The following QSOX2 variants were observed in gnomAD, a reference collection of about 807,000 sequenced individuals.
QSOX2 encodes quiescin sulfhydryl oxidase 2, also known as sulfhydryl oxidase 2.
A neutral mutation model predicts 61.7 loss-of-function variants in QSOX2; 46 were observed. That is an observed-to-expected ratio of 0.75 (90% confidence interval 0.59 to 0.95). The LOEUF (loss-of-function observed/expected upper bound fraction) is 0.95, where lower values mean the gene tolerates loss of function less well. Among genes scored for constraint, QSOX2 ranks in the 40% least tolerant of loss-of-function variants. QSOX2 has a pLI of 0.00. For synonymous variants in QSOX2, 383 were observed against 388.4 expected, an observed-to-expected ratio of 0.99 and a Z score of 0.16; for missense variants, 879 against 918.9, an observed-to-expected ratio of 0.96 and a Z score of 0.56.
At chr9:136,227,239 G>A (rs777239847) in intron 1 of QSOX2, among the ~76,000 whole-genome samples, 1 of 152,220 alleles carries the variant, frequency 6.6e-6, no homozygotes, top group Non-Finnish European at 1.5e-5. Context: ...CAGCAAGCAA[G>A]TACGTGCAGA....
chr9:136,217,118 C>T (rs984961998), intron 8 of QSOX2, among the ~76,000 whole-genome samples: 3 of 152,248 alleles, frequency 2.0e-5, no homozygotes, highest in Admixed American at 1.3e-4. Flanking sequence ...CCTGCCCGCC[C>T]GCTGGGCTTC....
At position 136,222,062 on chromosome 9, in the gene QSOX2, G is replaced by T; in HGVS notation, c.676-121C>A. ...AAAAGGGCATGAAGTCTGTCCCCCT[G>T]CAGGCAAGACCCTCACTCAAATCTT... On this transcript the variant is annotated intron_variant, in intron 5 of 11. Coordinates refer to ENST00000358701, the MANE Select transcript of QSOX2 (RefSeq NM_181701.4). The surrounding 1 kb of genome is among the most constrained non-coding windows in gnomAD (Gnocchi z 6.9). The T allele has an allele frequency of 2.0e-6, 2 of 1,004,974 alleles. No homozygotes were observed. Among genetic ancestry groups the T allele is most frequent in the Non-Finnish European group, 2.8e-6 (2 of 723,628 alleles). 62.3% of individuals were successfully genotyped at this position (1,004,974 alleles called of 1,614,324 possible). A position where few individuals can be genotyped will look rare whatever the true frequency, so the allele number is the denominator to read the frequency against.
chr9:136,221,680 G>T lies in QSOX2; in HGVS notation c.821+116C>A. ...AGGGCCCAAATCTGCCCAGGGAAGC[G>T]AGGCGGAGGGGCCAGGGCTCCCCCG... On this transcript the variant is annotated intron_variant, in intron 6 of 11. Transcript: ENST00000358701. The surrounding 1 kb of genome is among the most constrained non-coding windows in gnomAD (Gnocchi z 4.5). The T allele has an allele frequency of 8.8e-7, 1 of 1,138,380 alleles. No homozygotes were observed. The highest frequency in any genetic ancestry group is 1.2e-6 in the Non-Finnish European group (1 of 828,148). 70.5% of individuals were successfully genotyped at this position (1,138,380 alleles called of 1,614,324 possible).
chr9:136,242,676 C>A (rs537979191), intron 1 of QSOX2, among the ~76,000 whole-genome samples: 1 of 152,242 alleles, frequency 6.6e-6, no homozygotes, highest in Non-Finnish European at 1.5e-5. Context: ...GGGAGCCAGG[C>A]GCCAAGCAGA....
Position 136,224,912 on chromosome 9 carries a change from A to G in QSOX2, c.430-3T>C. 6.2e-7 allele frequency: 1 copy of G among 1,603,408 alleles called. No individual in the cohort carries two copies. The highest frequency in any genetic ancestry group is 1.3e-5 in the African/African-American group (1 of 74,570). On this transcript the variant is annotated splice_polypyrimidine_tract_variant and splice_region_variant and intron_variant, in intron 2 of 11. Transcript: ENST00000358701. ...TCCTTTGTAAATGCTTTAAAATACT[A>G]AGAGGAAAAACACAGAACAAGTAAG...
chr9:136,215,009 G>T, intron 10 of QSOX2, 145 bp downstream of exon 10: 1 of 949,438 alleles, frequency 1.1e-6, no homozygotes. Flanking sequence ...GACCGTGTGA[G>T]AGGAGTCTGA....
At chr9:136,211,600 AC>A in intron 10 of QSOX2, 148 bp from the exon 11 acceptor site, 1 of 712,450 alleles carries the variant, frequency 1.4e-6, no homozygotes, top group Non-Finnish European at 2.3e-6. Flanking sequence ...GTGGGCACAG[AC>A]CAGAAGCCAG....
chr9:136,234,618 C>G (rs1830362556), intron 1 of QSOX2, among the ~76,000 whole-genome samples: 1 of 152,228 alleles, frequency 6.6e-6, no homozygotes, highest in South Asian at 2.1e-4. Context: ...ACCCAGGAAC[C>G]TTCCTGGGCG....
At chr9:136,213,467 AT>A (rs1831872623) in intron 10 of QSOX2, among the ~76,000 whole-genome samples, 1 of 151,658 alleles carries the variant, frequency 6.6e-6, no homozygotes, top group Non-Finnish European at 1.5e-5. Context: ...TGTGATTTCA[AT>A]TTCTGTTTGG....
Position 136,223,219 on chromosome 9 carries a change from G to A in QSOX2, c.675+544C>T, listed in dbSNP as rs1357231393. ...GCATGTGCAGTGAGGCCTTTCTCTC[G>A]TCTCCGGGAAGACTGTCAGCAATAA... On this transcript the variant is annotated intron_variant, in intron 5 of 11. Transcript: ENST00000358701. This position sits in a 1 kb window ranked among gnomAD's most constrained non-coding sequence, Gnocchi z 4.4. 1.3e-5 allele frequency among the ~76,000 whole-genome samples: 2 copies of A among 152,172 alleles called. No homozygotes were observed. The highest frequency in any genetic ancestry group is 1.9e-4 in the East Asian group (1 of 5,190).
At chr9:136,245,140 T>C (rs927533400) in intron 1 of QSOX2, among the ~76,000 whole-genome samples, 7 of 152,022 alleles carry the variant, frequency 4.6e-5, no homozygotes, top group African/African-American at 1.7e-4. Flanking sequence ...CATAGGTATT[T>C]TGAGAGCTGG....
chr9:136,224,798 T>C, intron 3 of QSOX2, 63 bp downstream of exon 3: 2 of 1,186,754 alleles, frequency 1.7e-6, no homozygotes, highest in Non-Finnish European at 2.4e-6. Context: ...TCTGGGACCG[T>C]GTGTCTTTAG....
intron 6 of QSOX2, among the ~76,000 whole-genome samples, chr9:136,220,859 C>T (rs1294508995): frequency 2.6e-5 from 4 of 152,168 alleles, no homozygotes; most frequent in Admixed American, 1.3e-4. Flanking sequence ...TACAGTGGCA[C>T]ACCACCAGAC....
intron 1 of QSOX2, 77 bp downstream of exon 1, chr9:136,245,399 T>C (rs1830463812): frequency 7.8e-7 from 1 of 1,276,212 alleles, no homozygotes; most frequent in African/African-American, 1.6e-5. Flanking sequence ...GGACCCGCCT[T>C]CTGGGGCGGT....
At chr9:136,213,378 T>A (rs970488939) in intron 10 of QSOX2, among the ~76,000 whole-genome samples, 6 of 151,680 alleles carry the variant, frequency 4.0e-5, no homozygotes, top group Middle Eastern at 3.4e-3. Context: ...AGAATCAGAT[T>A]TACATGGTCT....
At chr9:136,239,427 C>A (rs1394874195) in intron 1 of QSOX2, among the ~76,000 whole-genome samples, 1 of 152,206 alleles carries the variant, frequency 6.6e-6, no homozygotes, top group Non-Finnish European at 1.5e-5. Flanking sequence ...GGAGCCACTG[C>A]CCCGGCCACT....
chr9:136,216,489 T>A (rs1831914750), intron 9 of QSOX2, 111 bp downstream of exon 9: 1 of 1,431,750 alleles, frequency 7.0e-7, no homozygotes, highest in Non-Finnish European at 9.6e-7. Context: ...CTGCTCCCCT[T>A]CCTCACAGCG....
At chr9:136,236,619 T>C (rs549930845) in intron 1 of QSOX2, among the ~76,000 whole-genome samples, 1 of 152,302 alleles carries the variant, frequency 6.6e-6, no homozygotes, top group South Asian at 2.1e-4. Flanking sequence ...ACACCTCTGA[T>C]AAATAAAATA....
At position 136,216,719 on chromosome 9, in the gene QSOX2, A is replaced by T; in HGVS notation, c.1090T>A (p.Phe364Ile). The part of the protein sequence containing the change: ...KDFVTVLAKL[F>I]PGRPPVKKLL... The stretch of plus-strand genomic sequence containing the variant: ...TTCTTGACTGGCGGCCGTCCAGGGA[A>T]CAGCTGCATGAGGAAGGAGCCACCT... The change falls in exon 9 of 12, where the codon TTC (phenylalanine) becomes ATC (isoleucine). Residue 364 changes from phenylalanine to isoleucine, a missense_variant. Transcript: ENST00000358701. 6.2e-7 allele frequency: 1 copy of T among 1,601,382 alleles called. No homozygotes were observed. Among genetic ancestry groups the T allele is most frequent in the Non-Finnish European group, 8.5e-7 (1 of 1,171,534 alleles).
Sources: gnomAD v4.1 joint callset for allele counts (sites outside exome capture counted in the v4.1 genomes callset) on GRCh38, gnomAD v4.1.1 for gene constraint, Gnocchi (gnomAD v3.1) non-coding constraint, MANE v1.5 for transcripts, NCBI Gene and HGNC (gene_info 2026-07-23, HGNC 2026-07-21) for gene names.